The following ZMYND8 variants were observed in gnomAD, a reference collection of about 807,000 sequenced individuals.
ZMYND8 encodes zinc finger MYND-type containing 8, also known as MYND-type zinc finger-containing chromatin reader ZMYND8.
A neutral mutation model predicts 140.8 loss-of-function variants in ZMYND8; 37 were observed. That is an observed-to-expected ratio of 0.26 (90% confidence interval 0.20 to 0.35). ZMYND8 has a LOEUF of 0.35. Ranked by LOEUF, ZMYND8 falls within the 10% of genes least tolerant of loss-of-function variation. The probability of loss-of-function intolerance (pLI) is 1.00; values close to 1 mark genes in which losing one functional copy is unlikely to be tolerated. For missense variants in ZMYND8, 1,068 were observed against 1,570.0 expected, an observed-to-expected ratio of 0.68 and a Z score of 5.40; for synonymous variants, 592 against 597.1, an observed-to-expected ratio of 0.99 and a Z score of 0.12.
chr20:47,312,651 A>G lies in ZMYND8; in HGVS notation c.86-2447T>C, dbSNP rs556058123. ...CTAAAAACACAAAAATTAGCTAGGC[A>G]TGGTAGCGCACACCCATAATCCCAG... On this transcript the variant is annotated intron_variant, in intron 2 of 22. Coordinates refer to ENST00000471951, the MANE Select transcript of ZMYND8 (RefSeq NM_001281775.3). 4.6e-5 allele frequency among the ~76,000 whole-genome samples: 7 copies of G among 152,240 alleles called. No individual in the cohort carries two copies. The South Asian group carries it at 1.5e-3, about 32-fold the overall frequency.
chr20:47,352,894 T>C (rs1055781976), intron 1 of ZMYND8: 2 of 152,254 alleles, frequency 1.3e-5, no homozygotes, highest in Non-Finnish European at 2.9e-5. Flanking sequence ...GGGTGAACCC[T>C]TGCTCAGATC....
intron 3 of ZMYND8, among the ~76,000 whole-genome samples, chr20:47,303,017 A>G (rs542879749): frequency 1.8e-4 from 28 of 152,282 alleles, no homozygotes; most frequent in African/African-American, 6.3e-4. Flanking sequence ...TAACACCCTC[A>G]CACACGTAAT....
chr20:47,232,142 C>A (rs1048731502), intron 16 of ZMYND8, among the ~76,000 whole-genome samples: 2 of 152,138 alleles, frequency 1.3e-5, no homozygotes, highest in African/African-American at 2.4e-5. Flanking sequence ...GAGGCAGAGG[C>A]AGGCGAATCA....
At chr20:47,293,079 G>A (rs2077371166) in intron 5 of ZMYND8, among the ~76,000 whole-genome samples, 1 of 143,970 alleles carries the variant, frequency 6.9e-6, no homozygotes, top group South Asian at 2.3e-4. Flanking sequence ...AAGGAAGGGA[G>A]GGAGGTAGGG....
chr20:47,322,925 C>T (rs567051502), intron 2 of ZMYND8, among the ~76,000 whole-genome samples: 32 of 152,272 alleles, frequency 2.1e-4, no homozygotes, highest in Middle Eastern at 6.8e-3. Context: ...CATTGGCCAA[C>T]GTCAACACAG....
Position 47,278,213 on chromosome 20 carries a change from ACT to A in ZMYND8, c.999-1420_999-1419del, listed in dbSNP as rs967416599. 4.9e-4 allele frequency among the ~76,000 whole-genome samples: 75 copies of A among 152,176 alleles called. 1 individual carries two copies. Among genetic ancestry groups the A allele is most frequent in the African/African-American group, 1.8e-3 (74 of 41,520 alleles). ...ACCCAGGATGGTCTTGAACTCCTGA[ACT>A]CAAGCAATCCTTCCACCTTGGCCTC... is the stretch of plus-strand genomic sequence containing the variant. On this transcript the variant is annotated intron_variant, in intron 10 of 22. Coordinates refer to ENST00000471951, the MANE Select transcript of ZMYND8 (RefSeq NM_001281775.3).
Position 47,341,520 on chromosome 20 carries a change from C to G in ZMYND8, c.85+6336G>C, listed in dbSNP as rs200429324. ...CCAGCCTAGGTGACAGAGCGAGACT[C>G]CATCTCAAAAAAAAAAAAAAAAAAA... On this transcript the variant is annotated intron_variant, in intron 2 of 22. Transcript: ENST00000471951. Among the ~76,000 whole-genome samples, 3 of 145,720 alleles carry G rather than the reference C, an allele frequency of 2.1e-5. No individual in the cohort carries two copies. In the East Asian group the frequency reaches 5.9e-4, roughly 29 times the overall value.
intron 6 of ZMYND8, among the ~76,000 whole-genome samples, chr20:47,290,583 G>GTTTT (rs71183240): frequency 2.3e-3 from 147 of 64,006 alleles, no homozygotes; most frequent in East Asian, 4.0e-3. Flanking sequence ...TATTTATTTA[G>GTTTT]TTTTTTTTTT....
In ZMYND8 at chr20:47,298,639, T is replaced by C; in HGVS notation, c.453+90A>G. On this transcript the variant is annotated intron_variant, in intron 4 of 22. Transcript: ENST00000471951. The surrounding 1 kb of genome is among the most constrained non-coding windows in gnomAD (Gnocchi z 5.0). ...GCAAGAAATTTCTCTTTTCCATCTA[T>C]CTGGATTATTTGTAAATTTAAAAAT... The C allele has an allele frequency of 6.5e-7, 1 of 1,533,920 alleles. No individual in the cohort carries two copies. The highest frequency in any genetic ancestry group is 8.8e-7 in the Non-Finnish European group (1 of 1,137,846).
rs1207761393 is a variant in ZMYND8 at position 47,210,434 on chromosome 20, G to GTTTTTC, written c.*321_*326dup. 1.6e-5 allele frequency: 2 copies of GTTTTTC among 126,280 alleles called. No individual in the cohort carries two copies. The highest frequency in any genetic ancestry group is 3.4e-3 in the Middle Eastern group (1 of 290). 7.8% of individuals were successfully genotyped at this position (126,280 alleles called of 1,614,324 possible). A position where few individuals can be genotyped will look rare whatever the true frequency, so the allele number is the denominator to read the frequency against. ...TTGCTTTTTTTTTTTTTTTTAAATC[G>GTTTTTC]TTTTTCTTTTTCTTTTTTTTTTTTT... On this transcript the variant is annotated 3_prime_UTR_variant, in exon 23 of 23. Coordinates refer to ENST00000471951, the MANE Select transcript of ZMYND8 (RefSeq NM_001281775.3).
intron 6 of ZMYND8, among the ~76,000 whole-genome samples, chr20:47,290,951 C>T (rs1406287783): frequency 4.6e-5 from 7 of 152,028 alleles, no homozygotes; most frequent in Non-Finnish European, 5.9e-5. Context: ...CTCACACAAA[C>T]CTCACAATAA....
chr20:47,310,241 C>A, intron 2 of ZMYND8, 37 bp from the exon 3 acceptor site: 1 of 1,560,536 alleles, frequency 6.4e-7, no homozygotes, highest in Admixed American at 2.0e-5. Flanking sequence ...TTAAAGCAGT[C>A]AGGGAGGCCT....
intron 12 of ZMYND8, among the ~76,000 whole-genome samples, chr20:47,253,774 ACGTAT>A (rs2074378201): frequency 6.6e-6 from 1 of 152,226 alleles, no homozygotes; most frequent in Non-Finnish European, 1.5e-5. Flanking sequence ...GCGTGTCTAC[ACGTAT>A]GGCTACAGTA....
At chr20:47,327,601 A>C (rs1044821290) in intron 2 of ZMYND8, among the ~76,000 whole-genome samples, 1 of 151,574 alleles carries the variant, frequency 6.6e-6, no homozygotes, top group Non-Finnish European at 1.5e-5. Flanking sequence ...GATTGCACTG[A>C]GCAGAGTTTG....
intron 3 of ZMYND8, among the ~76,000 whole-genome samples, chr20:47,302,317 A>G (rs1226170966): frequency 6.6e-6 from 1 of 152,142 alleles, no homozygotes; most frequent in Non-Finnish European, 1.5e-5. Context: ...TCTACAAAAA[A>G]TATAAAAATT....
In ZMYND8 at chr20:47,279,429, C is replaced by T. The variant is rs533381290; in HGVS notation, c.999-2634G>A. Among the ~76,000 whole-genome samples, 4 of 152,150 alleles carry T rather than the reference C, an allele frequency of 2.6e-5. No individual in the cohort carries two copies. In the East Asian group the frequency reaches 7.7e-4, roughly 29 times the overall value. ...CTCCAGCCTGGGCAACAAAGCGAGA[C>T]CCCGCCTCAAATAAATAAATAAATA... is the stretch of plus-strand genomic sequence containing the variant. On this transcript the variant is annotated intron_variant, in intron 10 of 22. Coordinates refer to ENST00000471951, the MANE Select transcript of ZMYND8 (RefSeq NM_001281775.3).
chr20:47,225,125 C>A (rs563944098), intron 18 of ZMYND8, among the ~76,000 whole-genome samples: 69 of 152,142 alleles, frequency 4.5e-4, no homozygotes, highest in Non-Finnish European at 9.0e-4. Context: ...TCCTGTGGCA[C>A]TGGATCCAGA....
chr20:47,345,048 A>G (rs189713331), intron 2 of ZMYND8, among the ~76,000 whole-genome samples: 120 of 152,206 alleles, frequency 7.9e-4, no homozygotes, highest in African/African-American at 2.8e-3. Context: ...AGCCCAGGAG[A>G]TTGAGGCTAC....
intron 2 of ZMYND8, among the ~76,000 whole-genome samples, chr20:47,345,106 T>C (rs2082232425): frequency 6.6e-6 from 1 of 152,118 alleles, no homozygotes; most frequent in South Asian, 2.1e-4. Flanking sequence ...GCTATGATCA[T>C]ACCAGTGCAC....
Sources: gnomAD v4.1 joint callset for allele counts (sites outside exome capture counted in the v4.1 genomes callset) on GRCh38, gnomAD v4.1.1 for gene constraint, Gnocchi (gnomAD v3.1) non-coding constraint, MANE v1.5 for transcripts, NCBI Gene and HGNC (gene_info 2026-07-23, HGNC 2026-07-21) for gene names.